The following FAM135B variants were observed in gnomAD, a reference collection of about 807,000 sequenced individuals.
The protein encoded by FAM135B is protein FAM135B.
FAM135B carries 43 observed loss-of-function variants against 127.7 expected under a neutral mutation model. The observed-to-expected ratio is 0.34, with a 90% CI of 0.26 to 0.43. FAM135B has a LOEUF of 0.43. FAM135B is among the 20% of genes least tolerant of loss of function. The pLI, the probability that FAM135B is intolerant of heterozygous loss-of-function variation, is 1.00. For missense variants in FAM135B, 1,558 were observed against 1,725.6 expected, an observed-to-expected ratio of 0.90 and a Z score of 1.72; for synonymous variants, 670 against 665.1, an observed-to-expected ratio of 1.01 and a Z score of -0.11.
chr8:138,156,462 A>T (rs1586630424), intron 12 of FAM135B, among the ~76,000 whole-genome samples: 1 of 152,130 alleles, frequency 6.6e-6, no homozygotes, highest in East Asian at 1.9e-4. Flanking sequence ...GAACTGAAGG[A>T]GATAGAGACA....
intron 1 of FAM135B, among the ~76,000 whole-genome samples, chr8:138,457,390 C>T (rs1390571515): frequency 6.6e-6 from 1 of 152,152 alleles, no homozygotes; most frequent in African/African-American, 2.4e-5. Context: ...AGGTGTGATA[C>T]TCATACAACT....
At chr8:138,293,974 T>C (rs572703881) in intron 3 of FAM135B, among the ~76,000 whole-genome samples, 3 of 152,236 alleles carry the variant, frequency 2.0e-5, no homozygotes, top group South Asian at 2.1e-4. Context: ...CAATTCACAA[T>C]TGCAAAGATA....
chr8:138,330,845 ATT>A (rs1238818859), intron 2 of FAM135B, among the ~76,000 whole-genome samples: 3 of 142,774 alleles, frequency 2.1e-5, no homozygotes, highest in Admixed American at 7.1e-5. Context: ...ATAAATGTAC[ATT>A]TTTTTTTTTT....
Position 138,175,994 on chromosome 8 carries a change from AAT to A in FAM135B, c.1103+1351_1103+1352del, listed in dbSNP as rs1296168471. Among the ~76,000 whole-genome samples, 3 of 152,188 alleles carry A rather than the reference AAT, an allele frequency of 2.0e-5. No individual in the cohort carries two copies. The East Asian group carries it at 5.8e-4, about 29-fold the overall frequency. On this transcript the variant is annotated intron_variant, in intron 11 of 19. Transcript: ENST00000395297. ...ATGGACATGCCCATTATGTCCTCAC[AAT>A]TGCTGTCTTACCCACTGTGTGGATA...
intron 9 of FAM135B, among the ~76,000 whole-genome samples, chr8:138,191,163 G>T (rs77723862): frequency 6.6e-6 from 1 of 152,188 alleles, no homozygotes; most frequent in South Asian, 2.1e-4. Context: ...CACTGGTGGC[G>T]GCATTTTGCC....
At chr8:138,217,047 C>T (rs574232355) in intron 7 of FAM135B, among the ~76,000 whole-genome samples, 8 of 152,172 alleles carry the variant, frequency 5.3e-5, no homozygotes, top group East Asian at 1.9e-4. Flanking sequence ...CTCGAAGCTG[C>T]GAGGGATAAG....
At chr8:138,365,982 T>C (rs996955) in intron 2 of FAM135B, among the ~76,000 whole-genome samples, 59,599 of 151,926 alleles carry the variant, frequency 0.39, 12,133 homozygotes, top group East Asian at 0.65. Flanking sequence ...ACCAAAGCAA[T>C]TGTAAATAGA....
chr8:138,397,539 G>T (rs1307545196), intron 1 of FAM135B, among the ~76,000 whole-genome samples: 2 of 152,054 alleles, frequency 1.3e-5, no homozygotes, highest in African/African-American at 4.8e-5. Context: ...AATAGCATAC[G>T]TACTTGTAGT....
At chr8:138,495,487 T>G (rs1815356226) in intron 1 of FAM135B, among the ~76,000 whole-genome samples, 2 of 152,090 alleles carry the variant, frequency 1.3e-5, no homozygotes, top group Non-Finnish European at 2.9e-5. Flanking sequence ...CACCATAAAT[T>G]AAAAGCCCAA....
intron 1 of FAM135B, among the ~76,000 whole-genome samples, chr8:138,387,485 C>G (rs1832288548): frequency 6.6e-6 from 1 of 152,174 alleles, no homozygotes; most frequent in Non-Finnish European, 1.5e-5. Flanking sequence ...TTTGCTCATT[C>G]TCTCCAGACC....
chr8:138,176,235 C>T (rs1289444584), intron 11 of FAM135B, among the ~76,000 whole-genome samples: 1 of 152,242 alleles, frequency 6.6e-6, no homozygotes, highest in African/African-American at 2.4e-5. Flanking sequence ...TGTGCTCACA[C>T]TGCTTGAGAA....
chr8:138,262,549 G>A lies in FAM135B; in HGVS notation c.297+3154C>T, dbSNP rs1028224337. 3.3e-5 allele frequency among the ~76,000 whole-genome samples: 5 copies of A among 152,176 alleles called. 1 individual carries two copies. In the South Asian group the frequency reaches 1.0e-3, roughly 32 times the overall value. On this transcript the variant is annotated intron_variant, in intron 4 of 19. Coordinates refer to ENST00000395297, the MANE Select transcript of FAM135B (RefSeq NM_015912.4). ...GAATTAGAGGATACACTCAACATGA[G>A]GACTCCAGGTACAGTTTATCAAAGG...
intron 2 of FAM135B, 113 bp downstream of exon 2, chr8:138,367,794 G>A (rs1004493347): frequency 1.7e-5 from 13 of 784,964 alleles, no homozygotes; most frequent in Admixed American, 7.2e-5. Flanking sequence ...TCTTTTCTTC[G>A]TTAGTCCCAA....
At chr8:138,300,876 G>A (rs949150887) in intron 3 of FAM135B, among the ~76,000 whole-genome samples, 8 of 149,924 alleles carry the variant, frequency 5.3e-5, no homozygotes, top group Non-Finnish European at 8.9e-5. Flanking sequence ...TCAGTCTCCC[G>A]AGTAGCTGGG....
intron 5 of FAM135B, among the ~76,000 whole-genome samples, chr8:138,251,481 G>A (rs1225677171): frequency 6.6e-6 from 1 of 152,098 alleles, no homozygotes; most frequent in Non-Finnish European, 1.5e-5. Flanking sequence ...CGTCTTTATA[G>A]TCCCAATACC....
intron 7 of FAM135B, among the ~76,000 whole-genome samples, chr8:138,237,882 CACAA>C (rs1820425902): frequency 6.6e-6 from 1 of 152,178 alleles, no homozygotes. Flanking sequence ...CATACACATT[CACAA>C]ACACACATAT....
At chr8:138,451,224 A>G (rs759248967) in intron 1 of FAM135B, among the ~76,000 whole-genome samples, 1 of 152,196 alleles carries the variant, frequency 6.6e-6, no homozygotes, top group Non-Finnish European at 1.5e-5. Context: ...TTACTAATTC[A>G]GCAATTCCCT....
chr8:138,233,307 G>A (rs1454952636), intron 7 of FAM135B, among the ~76,000 whole-genome samples: 2 of 152,132 alleles, frequency 1.3e-5, no homozygotes. Context: ...TAGGTTTTAT[G>A]CCACTCATAC....
chr8:138,259,714 G>A (rs1449097687), intron 4 of FAM135B, among the ~76,000 whole-genome samples: 6 of 152,038 alleles, frequency 3.9e-5, no homozygotes, highest in Non-Finnish European at 7.4e-5. Context: ...TTAGATAAAC[G>A]CCTTCTCTAA....
Sources: allele counts gnomAD v4.1 joint callset (sites outside exome capture counted in the v4.1 genomes callset), GRCh38; gene constraint gnomAD v4.1.1; transcripts MANE v1.5; gene names NCBI Gene and HGNC (gene_info 2026-07-23, HGNC 2026-07-21).